The following MBNL2 variants were observed in gnomAD, a reference collection of about 807,000 sequenced individuals.
MBNL2 encodes the protein muscleblind-like protein 2.
In MBNL2, 17 loss-of-function variants were observed where a neutral mutation model predicts 41.9. The ratio of observed to expected loss-of-function variants is 0.41; its 90% CI spans 0.28 to 0.61. The LOEUF is 0.61. Ranked by LOEUF, MBNL2 falls within the 20% of genes least tolerant of loss-of-function variation. MBNL2 has a pLI of 0.35. For synonymous variants in MBNL2, 195 were observed against 182.9 expected, an observed-to-expected ratio of 1.07 and a Z score of -0.53; for missense variants, 336 against 505.6, an observed-to-expected ratio of 0.66 and a Z score of 3.22.
chr13:97,341,493 T>C (rs1346499762), intron 3 of MBNL2, among the ~76,000 whole-genome samples: 1 of 152,198 alleles, frequency 6.6e-6, no homozygotes, highest in Non-Finnish European at 1.5e-5. Flanking sequence ...AACATACACA[T>C]ATAAACATTT....
At chr13:97,255,063 C>T (rs1289440837) in intron 1 of MBNL2, among the ~76,000 whole-genome samples, 1 of 152,114 alleles carries the variant, frequency 6.6e-6, no homozygotes, top group Non-Finnish European at 1.5e-5. Context: ...ACAAACCAAA[C>T]CCCAATGAGT....
chr13:97,292,200 C>CAAA (rs34473435), intron 2 of MBNL2, among the ~76,000 whole-genome samples: 1,276 of 69,368 alleles, frequency 0.018, 38 homozygotes, highest in African/African-American at 0.054. Context: ...GACTCCATCT[C>CAAA]AAAAAAAAAA....
chr13:97,192,735 T>C, the MBNL2 span, among the ~76,000 whole-genome samples: 10 of 152,202 alleles, frequency 6.6e-5, no homozygotes, highest in Non-Finnish European at 1.2e-4. Flanking sequence ...CCCAGGAACC[T>C]GTGGCCACAG....
chr13:97,315,934 A>C (rs970812527), intron 2 of MBNL2, among the ~76,000 whole-genome samples: 1 of 152,104 alleles, frequency 6.6e-6, no homozygotes, highest in Non-Finnish European at 1.5e-5. Flanking sequence ...GGTTCAGTGG[A>C]GGAGAGAGAT....
At chr13:97,174,855 G>T in the MBNL2 span, among the ~76,000 whole-genome samples, 1 of 151,914 alleles carries the variant, frequency 6.6e-6, no homozygotes, top group Non-Finnish European at 1.5e-5. Context: ...AAAAAAAAAA[G>T]ACTCAATGAC....
At chr13:97,185,651 C>T in the MBNL2 span, among the ~76,000 whole-genome samples, 8 of 152,256 alleles carry the variant, frequency 5.3e-5, no homozygotes, top group African/African-American at 1.7e-4. Context: ...GGGCAGCCTC[C>T]GGAAGTTGGA....
chr13:97,264,018 T>C (rs1049988173), intron 1 of MBNL2, among the ~76,000 whole-genome samples: 2 of 151,042 alleles, frequency 1.3e-5, no homozygotes, highest in African/African-American at 2.4e-5. Flanking sequence ...TTTTTCTTTT[T>C]TTTTTTTTTT....
chr13:97,256,637 G>A (rs2047596739), intron 1 of MBNL2, among the ~76,000 whole-genome samples: 1 of 152,164 alleles, frequency 6.6e-6, no homozygotes, highest in Non-Finnish European at 1.5e-5. Context: ...CTCCAGGAAT[G>A]ATAATGCCTT....
the MBNL2 span, among the ~76,000 whole-genome samples, chr13:97,176,025 C>T: frequency 6.6e-6 from 1 of 152,170 alleles, no homozygotes; most frequent in Non-Finnish European, 1.5e-5. Context: ...CCGTCCCATC[C>T]CTAGCAAAAG....
In MBNL2 at chr13:97,275,729, C is replaced by T. The variant is rs1232446699; in HGVS notation, c.-507C>T. 6.6e-6 allele frequency: 1 copy of T among 152,376 alleles called. No individual in the cohort carries two copies. The highest frequency in any genetic ancestry group is 1.5e-5 in the Non-Finnish European group (1 of 68,168). The allele number at this position is 152,376 out of a possible 1,614,324, so 9.4% of individuals were successfully genotyped here. A position where few individuals can be genotyped will look rare whatever the true frequency, so the allele number is the denominator to read the frequency against. On this transcript the variant is annotated 5_prime_UTR_variant, in exon 2 of 9. Transcript: ENST00000679496. ...TCACATCCCACTCTTCTGTCAAGTA[C>T]ACTTTACCCTGACCTTATGAGTGGA...
At chr13:97,241,221 C>A (rs1350343560) in intron 1 of MBNL2, among the ~76,000 whole-genome samples, 1 of 152,234 alleles carries the variant, frequency 6.6e-6, no homozygotes, top group East Asian at 1.9e-4. Context: ...TATCACATGT[C>A]CTTTTTTTTC....
intron 1 of MBNL2, among the ~76,000 whole-genome samples, chr13:97,242,452 A>G (rs2044481698): frequency 6.6e-6 from 1 of 152,172 alleles, no homozygotes; most frequent in Non-Finnish European, 1.5e-5. Flanking sequence ...GGGGTTTTAC[A>G]TTCAGTCCCC....
intron 2 of MBNL2, among the ~76,000 whole-genome samples, chr13:97,324,532 C>T (rs540897151): frequency 3.3e-5 from 5 of 152,274 alleles, no homozygotes; most frequent in South Asian, 4.2e-4. Flanking sequence ...TGAAGTCAAA[C>T]AGCCACTAGA....
intron 1 of MBNL2, among the ~76,000 whole-genome samples, chr13:97,266,574 G>A (rs1255569653): frequency 1.3e-5 from 2 of 152,364 alleles, no homozygotes; most frequent in East Asian, 3.9e-4. Flanking sequence ...CTCCGCCCAG[G>A]CGTCTGCATC....
chr13:97,262,322 A>T (rs1431031291), intron 1 of MBNL2, among the ~76,000 whole-genome samples: 2 of 152,166 alleles, frequency 1.3e-5, no homozygotes, highest in African/African-American at 4.8e-5. Flanking sequence ...CGTGACACCT[A>T]GCCACCACAA....
At chr13:97,301,314 G>C (rs1054746907) in intron 2 of MBNL2, among the ~76,000 whole-genome samples, 1 of 152,190 alleles carries the variant, frequency 6.6e-6, no homozygotes, top group Non-Finnish European at 1.5e-5. Flanking sequence ...ATTACAGAGA[G>C]AGAAAATGAA....
Position 97,275,782 on chromosome 13 carries a change from C to T in MBNL2, c.-454C>T, listed in dbSNP as rs2052053190. On this transcript the variant is annotated 5_prime_UTR_variant, in exon 2 of 9. Coordinates refer to ENST00000679496, the MANE Select transcript of MBNL2 (RefSeq NM_001382683.1). ...AAGATACCTCAGTTGTCTGACTTTG[C>T]CAATTGCTTAATTTCAGAATTTAAA... is the stretch of plus-strand genomic sequence containing the variant. The T allele has an allele frequency of 6.5e-6, 1 of 153,684 alleles. No homozygotes were observed. The allele number at this position is 153,684 out of a possible 1,614,324, so 9.5% of individuals were successfully genotyped here.
the MBNL2 span, among the ~76,000 whole-genome samples, chr13:97,211,997 G>C: frequency 6.6e-6 from 1 of 152,092 alleles, no homozygotes; most frequent in Non-Finnish European, 1.5e-5. Flanking sequence ...AATATCTAAA[G>C]GTGTCAAAGA....
chr13:97,180,727 G>A, the MBNL2 span, among the ~76,000 whole-genome samples: 1 of 129,168 alleles, frequency 7.7e-6, no homozygotes, highest in Non-Finnish European at 1.6e-5. Context: ...GGGCGACAGA[G>A]TGAGACTCCA....
Sources: allele counts gnomAD v4.1 joint callset (sites outside exome capture counted in the v4.1 genomes callset), GRCh38; gene constraint gnomAD v4.1.1; transcripts MANE v1.5; gene names NCBI Gene and HGNC (gene_info 2026-07-23, HGNC 2026-07-21).